Variants in POFUT2 observed in about 807,000 individuals in gnomAD.
The protein encoded by POFUT2 is protein O-fucosyltransferase 2, also known as GDP-fucose protein O-fucosyltransferase 2.
POFUT2 carries 30 observed loss-of-function variants against 55.0 expected under a neutral mutation model. The ratio of observed to expected loss-of-function variants is 0.55; its 90% confidence interval spans 0.41 to 0.74. The LOEUF is 0.74. Ranked by LOEUF, POFUT2 falls within the 30% of genes least tolerant of loss-of-function variation. The pLI, the probability that POFUT2 is intolerant of heterozygous loss-of-function variation, is 0.00. For synonymous variants in POFUT2, 267 were observed against 231.1 expected (o/e 1.16, Z -1.41); for missense variants, 524 against 562.6 (o/e 0.93, Z 0.69).
chr21:45,278,198 G>A (rs779310818), intron 4 of POFUT2, 29 bp from the exon 5 acceptor site: 3 of 1,561,610 alleles, frequency 1.9e-6, no homozygotes, highest in Non-Finnish European at 2.6e-6. Flanking sequence ...AGAATAAACA[G>A]TTATAAGAGT....
chr21:45,267,323 A>C lies in POFUT2; in HGVS notation c.1136+267T>G, dbSNP rs2093165053. On this transcript the variant is annotated intron_variant, in intron 8 of 8. Coordinates refer to ENST00000349485, the MANE Select transcript of POFUT2 (RefSeq NM_133635.6). The surrounding 1 kb of genome is among the most constrained non-coding windows in gnomAD (Gnocchi z 4.4). ...TGATGGGAAAATGCGACACAAGAAG[A>C]GGTTCTGAGACGAGGCCAGCTATGC... is the stretch of plus-strand genomic sequence containing the variant. 1 of 1,492,854 alleles carries C rather than the reference A, an allele frequency of 6.7e-7. No homozygotes were observed. Among genetic ancestry groups the C allele is most frequent in the African/African-American group, 1.4e-5 (1 of 71,742 alleles). The allele number at this position is 1,492,854 out of a possible 1,614,324, so 92.5% of individuals were successfully genotyped here.
At chr21:45,283,144 C>T (rs1396534134) in intron 3 of POFUT2, among the ~76,000 whole-genome samples, 1 of 150,800 alleles carries the variant, frequency 6.6e-6, no homozygotes, top group Non-Finnish European at 1.5e-5. Context: ...CGCCCAGAAC[C>T]CTGCATCAGC....
Position 45,284,707 on chromosome 21 carries a change from T to C in POFUT2, c.382+971A>G, listed in dbSNP as rs1368853166. ...ATCTCTGGGTTCCTATAACCCAATGTTCAGACCGAGGGCTGGCTGCTAGTT... is the reference window on the plus strand; with the variant it reads ...ATCTCTGGGTTCCTATAACCCAATGCTCAGACCGAGGGCTGGCTGCTAGTT... On this transcript the variant is annotated intron_variant, in intron 2 of 8. Coordinates refer to ENST00000349485, the MANE Select transcript of POFUT2 (RefSeq NM_133635.6). This position sits in a 1 kb window ranked among gnomAD's most constrained non-coding sequence, Gnocchi z 5.8. Among the ~76,000 whole-genome samples the C allele has an allele frequency of 6.6e-6, 1 of 152,198 alleles. No homozygotes were observed. The highest frequency in any genetic ancestry group is 1.5e-5 in the Non-Finnish European group (1 of 68,040).
At position 45,281,595 on chromosome 21, in the gene POFUT2, G is replaced by A. The variant is rs1313153501; in HGVS notation, c.638+754C>T. 3.9e-5 allele frequency among the ~76,000 whole-genome samples: 6 copies of A among 152,258 alleles called. No individual in the cohort carries two copies. The South Asian group carries it at 8.3e-4, about 21-fold the overall frequency. The stretch of plus-strand genomic sequence containing the variant: ...GCCAGCTGTGATGTGCAACAGGATC[G>A]TGGCTGATGGCCTCTAGAGGCACAC... On this transcript the variant is annotated intron_variant, in intron 4 of 8. Coordinates refer to ENST00000349485, the MANE Select transcript of POFUT2 (RefSeq NM_133635.6). The surrounding 1 kb of genome is among the most constrained non-coding windows in gnomAD (Gnocchi z 5.0).
chr21:45,278,275 C>A (rs887375974), intron 4 of POFUT2, 106 bp from the exon 5 acceptor site: 4 of 989,084 alleles, frequency 4.0e-6, no homozygotes, highest in East Asian at 4.8e-5. Flanking sequence ...GAAGCAGAGA[C>A]CAAGTCTCCG....
intron 4 of POFUT2, among the ~76,000 whole-genome samples, chr21:45,278,661 G>A (rs1200536445): frequency 6.6e-6 from 1 of 152,214 alleles, no homozygotes; most frequent in Non-Finnish European, 1.5e-5. Context: ...TTTCCACAGC[G>A]TCTCGTCCGA....
intron 4 of POFUT2, among the ~76,000 whole-genome samples, chr21:45,279,242 A>T (rs1356644785): frequency 6.6e-6 from 1 of 152,102 alleles, no homozygotes; most frequent in African/African-American, 2.4e-5. Context: ...ATACAAAAAA[A>T]TTAGCCGGGC....
rs2031207673 is a variant in POFUT2 at position 45,284,971 on chromosome 21, T to C, written c.382+707A>G. Among the ~76,000 whole-genome samples, 2 of 151,828 alleles carry C rather than the reference T, an allele frequency of 1.3e-5. No homozygotes were observed. The highest frequency in any genetic ancestry group is 2.9e-5 in the Non-Finnish European group (2 of 67,968). ...GATCTAGGGTGCAACGAGAACCACA[T>C]CCTTGAAAAATGATGACACGGGAGC... On this transcript the variant is annotated intron_variant, in intron 2 of 8. Transcript: ENST00000349485. The surrounding 1 kb of genome is among the most constrained non-coding windows in gnomAD (Gnocchi z 5.8).
At chr21:45,266,841 G>C in intron 8 of POFUT2, 1 of 1,006,434 alleles carries the variant, frequency 9.9e-7, no homozygotes, top group South Asian at 4.2e-5. Flanking sequence ...TAACCACGGG[G>C]AAGATCATTC....
chr21:45,265,477 C>A lies in POFUT2; in HGVS notation c.*5G>T, dbSNP rs533319429. ...GGTCCGGGGAGCGGCCCTGGAGGAT[C>A]CTCCTCAGTAGGTGATCTTCCAGTG... On this transcript the variant is annotated 3_prime_UTR_variant, in exon 9 of 9. Coordinates refer to ENST00000349485, the MANE Select transcript of POFUT2 (RefSeq NM_133635.6). This position sits in a 1 kb window ranked among gnomAD's most constrained non-coding sequence, Gnocchi z 4.6. The A allele has an allele frequency of 1.9e-6, 3 of 1,609,614 alleles. No individual in the cohort carries two copies. The South Asian group carries it at 3.3e-5, about 18-fold the overall frequency.
intron 1 of POFUT2, 63 bp downstream of exon 1, chr21:45,287,675 CCAT>C: frequency 1.1e-5 from 13 of 1,181,346 alleles, no homozygotes; most frequent in South Asian, 2.3e-5. Context: ...CGCCCCGCCC[CCAT>C]CCCATCCTCT....
In POFUT2 at chr21:45,282,534, G is replaced by A. The variant is rs778655543; in HGVS notation, c.528-75C>T. Reference sequence around the variant, plus strand: ...AGGAAAACAAATCAAGTCTAGACACGCACACACTGTGGCTTGCTCCTGATG... The same window carrying A: ...AGGAAAACAAATCAAGTCTAGACACACACACACTGTGGCTTGCTCCTGATG... On this transcript the variant is annotated intron_variant, in intron 3 of 8. Coordinates refer to ENST00000349485, the MANE Select transcript of POFUT2 (RefSeq NM_133635.6). This position sits in a 1 kb window ranked among gnomAD's most constrained non-coding sequence, Gnocchi z 4.6. The A allele has an allele frequency of 5.8e-4, 491 of 843,880 alleles. No individual in the cohort carries two copies. Among genetic ancestry groups the A allele is most frequent in the Middle Eastern group, 6.5e-4 (3 of 4,622 alleles). The allele number at this position is 843,880 out of a possible 1,614,324, so 52.3% of individuals were successfully genotyped here.
chr21:45,278,611 T>C (rs531415835), intron 4 of POFUT2, among the ~76,000 whole-genome samples: 17 of 152,320 alleles, frequency 1.1e-4, no homozygotes, highest in Non-Finnish European at 2.1e-4. Flanking sequence ...CGGAGCTGCA[T>C]CTGTTCCGTG....
rs75910530 is a variant in POFUT2, at chr21:45,280,471, C to T, written c.638+1878G>A. On this transcript the variant is annotated intron_variant, in intron 4 of 8. Transcript: ENST00000349485. Reference sequence around the variant, plus strand: ...GGCAGGGGTCTGCGGGTGCATGTCCCGCATTCAGGGTGCACTGGGTTCCCA... The same window carrying T: ...GGCAGGGGTCTGCGGGTGCATGTCCTGCATTCAGGGTGCACTGGGTTCCCA... Among the ~76,000 whole-genome samples, 70 of 152,294 alleles carry T rather than the reference C, an allele frequency of 4.6e-4. No homozygotes were observed. In the East Asian group the frequency reaches 0.013, roughly 27 times the overall value.
In POFUT2 at chr21:45,277,184, G is replaced by A. The variant is rs752480429; in HGVS notation, c.706-42C>T. The A allele has an allele frequency of 5.6e-6, 9 of 1,597,106 alleles. No homozygotes were observed. The highest frequency in any genetic ancestry group is 6.8e-6 in the Non-Finnish European group (8 of 1,174,302). On this transcript the variant is annotated intron_variant, in intron 5 of 8. Coordinates refer to ENST00000349485, the MANE Select transcript of POFUT2 (RefSeq NM_133635.6). This position sits in a 1 kb window ranked among gnomAD's most constrained non-coding sequence, Gnocchi z 6.9. ...GGCTCGGCTGAGAACACGCCCGCCC[G>A]CCACGCAGCCCTCCCGGAGCGGGTT...
In POFUT2 at chr21:45,285,490, G is replaced by C. The variant is rs1250685444; in HGVS notation, c.382+188C>G. ...GAAACATTTTGGGAAGCTCACTGCA[G>C]CGTGGGAAAGGGACTGTGCTCCTGA... On this transcript the variant is annotated intron_variant, in intron 2 of 8. Coordinates refer to ENST00000349485, the MANE Select transcript of POFUT2 (RefSeq NM_133635.6). This position sits in a 1 kb window ranked among gnomAD's most constrained non-coding sequence, Gnocchi z 4.9. 3 of 708,216 alleles carry C rather than the reference G, an allele frequency of 4.2e-6. No individual in the cohort carries two copies. The highest frequency in any genetic ancestry group is 2.3e-4 in the Middle Eastern group (1 of 4,298). 43.9% of individuals were successfully genotyped at this position (708,216 alleles called of 1,614,324 possible). A position where few individuals can be genotyped will look rare whatever the true frequency, so the allele number is the denominator to read the frequency against.
chr21:45,278,265 G>A, intron 4 of POFUT2, 96 bp from the exon 5 acceptor site: 2 of 1,081,580 alleles, frequency 1.8e-6, no homozygotes, highest in South Asian at 1.3e-5. Flanking sequence ...CCGGGCCGAG[G>A]AAGCAGAGAC....
At position 45,265,249 on chromosome 21, in the gene POFUT2, A is replaced by G; in HGVS notation, c.*233T>C. On this transcript the variant is annotated 3_prime_UTR_variant, in exon 9 of 9. Transcript: ENST00000349485. This position sits in a 1 kb window ranked among gnomAD's most constrained non-coding sequence, Gnocchi z 4.6. ...CTGTGGGTTCACAGACGCTGCCTGA[A>G]AACAACCGCCACCCCCGAGAGCAGC... The G allele has an allele frequency of 2.5e-6, 1 of 401,590 alleles. No individual in the cohort carries two copies. Among genetic ancestry groups the G allele is most frequent in the Non-Finnish European group, 4.4e-6 (1 of 225,704 alleles). The allele number at this position is 401,590 out of a possible 1,614,324, so 24.9% of individuals were successfully genotyped here. A position where few individuals can be genotyped will look rare whatever the true frequency, so the allele number is the denominator to read the frequency against.
chr21:45,287,139 C>T (rs1196433335), intron 1 of POFUT2, among the ~76,000 whole-genome samples: 1 of 149,660 alleles, frequency 6.7e-6, no homozygotes, highest in Non-Finnish European at 1.5e-5. Flanking sequence ...AACCCGCTGG[C>T]CCGACCCTGC....
Sources: gnomAD v4.1 joint callset for allele counts (sites outside exome capture counted in the v4.1 genomes callset) on GRCh38, gnomAD v4.1.1 for gene constraint, Gnocchi (gnomAD v3.1) non-coding constraint, MANE v1.5 for transcripts, NCBI Gene and HGNC (gene_info 2026-07-23, HGNC 2026-07-21) for gene names.